The following EDNRA variants were observed in gnomAD, a reference collection of about 807,000 sequenced individuals.
EDNRA encodes endothelin receptor type A.
EDNRA carries 11 observed loss-of-function variants against 41.4 expected under a neutral mutation model. That is an observed-to-expected ratio of 0.27 (90% CI 0.17 to 0.44). The LOEUF (loss-of-function observed/expected upper bound fraction) is 0.44, where lower values mean the gene tolerates loss of function less well. Ranked by LOEUF, EDNRA falls within the 20% of genes least tolerant of loss-of-function variation. EDNRA has a pLI of 1.00. For synonymous variants in EDNRA, 172 were observed against 183.0 expected (o/e 0.94, Z 0.49); for missense variants, 294 against 531.0 (o/e 0.55, Z 4.39).
chr4:147,503,222 T>TAC (rs567654612), intron 2 of EDNRA, among the ~76,000 whole-genome samples: 228 of 152,198 alleles, frequency 1.5e-3, no homozygotes, highest in Non-Finnish European at 2.7e-3. Flanking sequence ...GAATTCATCA[T>TAC]ACACACACAC....
At chr4:147,490,123 C>T (rs182433443) in intron 2 of EDNRA, 1 of 149,094 alleles carries the variant, frequency 6.7e-6, no homozygotes. Flanking sequence ...AAAAGAAGTT[C>T]CTATAGCCCT....
chr4:147,501,287 G>A (rs1418352183), intron 2 of EDNRA, among the ~76,000 whole-genome samples: 2 of 152,180 alleles, frequency 1.3e-5, no homozygotes, highest in African/African-American at 4.8e-5. Flanking sequence ...GCCATATTCT[G>A]TTCAGACTAC....
chr4:147,523,197 T>A (rs1050365246), intron 3 of EDNRA, among the ~76,000 whole-genome samples: 2 of 152,200 alleles, frequency 1.3e-5, no homozygotes, highest in Non-Finnish European at 2.9e-5. Context: ...TCTTATCAGA[T>A]CTTAAAAGGT....
intron 3 of EDNRA, 112 bp downstream of exon 3, chr4:147,520,090 G>T: frequency 1.5e-6 from 2 of 1,337,906 alleles, no homozygotes; most frequent in Non-Finnish European, 2.0e-6. Context: ...TTAGCTTCAA[G>T]TGAATTAAAG....
chr4:147,512,337 C>T (rs1729958571), intron 2 of EDNRA, among the ~76,000 whole-genome samples: 1 of 152,196 alleles, frequency 6.6e-6, no homozygotes, highest in African/African-American at 2.4e-5. Context: ...CTCTGGAACT[C>T]TGGCTTTAAA....
At chr4:147,537,809 ATG>A (rs57873926) in intron 5 of EDNRA, among the ~76,000 whole-genome samples, 51,149 of 151,028 alleles carry the variant, frequency 0.34, 10,310 homozygotes, top group African/African-American at 0.57. Context: ...TTTTGTCCTC[ATG>A]CAGTTAACGT....
rs187888456 is a variant in EDNRA, at chr4:147,519,027, G to A, written c.421-824G>A. ...CTACCCAGCACAGCCACTAGAGGGT[G>A]TCCACTCTTGCCTTGCAAACAAGGT... On this transcript the variant is annotated intron_variant, in intron 2 of 7. Transcript: ENST00000651419. This position sits in a 1 kb window ranked among gnomAD's most constrained non-coding sequence, Gnocchi z 4.1. Among the ~76,000 whole-genome samples, 2 of 152,324 alleles carry A rather than the reference G, an allele frequency of 1.3e-5. No individual in the cohort carries two copies. The highest frequency in any genetic ancestry group is 3.9e-4 in the East Asian group (2 of 5,182).
intron 2 of EDNRA, among the ~76,000 whole-genome samples, chr4:147,518,343 GT>G (rs1730188787): frequency 6.6e-6 from 1 of 152,216 alleles, no homozygotes; most frequent in Admixed American, 6.5e-5. Flanking sequence ...TGTGCAAAGA[GT>G]TTTGTGGTTG....
chr4:147,539,001 G>T (rs1023223118), intron 5 of EDNRA, among the ~76,000 whole-genome samples: 9 of 152,084 alleles, frequency 5.9e-5, no homozygotes, highest in Admixed American at 4.6e-4. Flanking sequence ...CCAATGAATG[G>T]TTGCAGATAA....
At chr4:147,518,067 A>G (rs1475462251) in intron 2 of EDNRA, among the ~76,000 whole-genome samples, 4 of 152,212 alleles carry the variant, frequency 2.6e-5, no homozygotes, top group East Asian at 1.9e-4. Flanking sequence ...AAACAATTCA[A>G]CTGTTCCAGA....
Position 147,535,789 on chromosome 4 carries a change from A to C in EDNRA, c.748-88A>C, listed in dbSNP as rs1378490554. On this transcript the variant is annotated intron_variant, in intron 4 of 7. Transcript: ENST00000651419. ...ATTTTACAGATGTATCTGCAAGTTT[A>C]AAGACCTTAAAGCTACCAGAGGCAC... 7.9e-6 allele frequency: 12 copies of C among 1,510,392 alleles called. No homozygotes were observed. The South Asian group carries it at 1.4e-4, about 18-fold the overall frequency. 93.6% of individuals were successfully genotyped at this position (1,510,392 alleles called of 1,614,324 possible).
chr4:147,501,646 A>G (rs532622965), intron 2 of EDNRA, among the ~76,000 whole-genome samples: 2 of 152,312 alleles, frequency 1.3e-5, no homozygotes, highest in East Asian at 3.9e-4. Context: ...AATGTTCTGT[A>G]CATTGCTTTT....
At position 147,520,060 on chromosome 4, in the gene EDNRA, G is replaced by C; in HGVS notation, c.548+82G>C. The C allele has an allele frequency of 3.3e-6, 5 of 1,516,580 alleles. No homozygotes were observed. The South Asian group carries it at 5.2e-5, about 16-fold the overall frequency. 93.9% of individuals were successfully genotyped at this position (1,516,580 alleles called of 1,614,324 possible). On this transcript the variant is annotated intron_variant, in intron 3 of 7. Coordinates refer to ENST00000651419, the MANE Select transcript of EDNRA (RefSeq NM_001957.4). Reference sequence around the variant, plus strand: ...AAAAGAAGAAAAGTCAAGAGAATTCGTGCCCAGGACAGCTGTTGATTAGCT... The same window carrying C: ...AAAAGAAGAAAAGTCAAGAGAATTCCTGCCCAGGACAGCTGTTGATTAGCT...
At chr4:147,496,692 A>G (rs1244947599) in intron 2 of EDNRA, among the ~76,000 whole-genome samples, 1 of 152,124 alleles carries the variant, frequency 6.6e-6, no homozygotes, top group Non-Finnish European at 1.5e-5. Flanking sequence ...GCCTGTAGGT[A>G]TTGTTTTGTG....
chr4:147,505,373 C>G (rs1309167471), intron 2 of EDNRA, among the ~76,000 whole-genome samples: 1 of 108,810 alleles, frequency 9.2e-6, no homozygotes, highest in African/African-American at 3.7e-5. Context: ...GAGTTGCGCT[C>G]TTGTTGCCCA....
intron 2 of EDNRA, chr4:147,488,497 T>A (rs940822711): frequency 6.6e-6 from 1 of 152,162 alleles, no homozygotes; most frequent in Non-Finnish European, 1.5e-5. Flanking sequence ...CTGGTACTTT[T>A]ACATCATAGG....
intron 4 of EDNRA, among the ~76,000 whole-genome samples, chr4:147,533,724 T>A (rs1436247137): frequency 6.6e-6 from 1 of 152,208 alleles, no homozygotes; most frequent in African/African-American, 2.4e-5. Flanking sequence ...ATTTGGGCTG[T>A]GTGAATAAGC....
At chr4:147,491,473 CTTG>C (rs1729134761) in intron 2 of EDNRA, 1 of 152,124 alleles carries the variant, frequency 6.6e-6, no homozygotes, top group South Asian at 2.1e-4. Context: ...TTCAGTAATG[CTTG>C]TTGTTATGAT....
At chr4:147,512,554 C>T (rs1000106853) in intron 2 of EDNRA, among the ~76,000 whole-genome samples, 1 of 152,240 alleles carries the variant, frequency 6.6e-6, no homozygotes, top group African/African-American at 2.4e-5. Context: ...CCATCTCCTA[C>T]GGGAACTAAC....
Sources: allele counts gnomAD v4.1 joint callset (sites outside exome capture counted in the v4.1 genomes callset), GRCh38; gene constraint gnomAD v4.1.1; non-coding constraint Gnocchi (gnomAD v3.1); transcripts MANE v1.5; gene names NCBI Gene and HGNC (gene_info 2026-07-23, HGNC 2026-07-21).